PPA2: variants seen among roughly 807,000 people sequenced by gnomAD.
PPA2 encodes the protein inorganic pyrophosphatase 2, mitochondrial.
PPA2 carries 48 observed loss-of-function variants against 49.5 expected under a neutral mutation model. The observed-to-expected ratio is 0.97, with a 90% CI of 0.77 to 1.23. The LOEUF (loss-of-function observed/expected upper bound fraction) is 1.23, where lower values mean the gene tolerates loss of function less well. PPA2 is among the 50% of genes most tolerant of loss of function. The probability of loss-of-function intolerance (pLI) is 0.00; values close to 1 mark genes in which losing one functional copy is unlikely to be tolerated. For synonymous variants in PPA2, 131 were observed against 139.9 expected (o/e 0.94, Z 0.45); for missense variants, 429 against 410.1 (o/e 1.05, Z -0.40).
At chr4:105,445,994 G>C (rs1219638375) in intron 5 of PPA2, among the ~76,000 whole-genome samples, 4 of 151,996 alleles carry the variant, frequency 2.6e-5, no homozygotes, top group Non-Finnish European at 4.4e-5. Context: ...ATCTGTTAAA[G>C]TTTAAAATAT....
chr4:105,443,928 G>A (rs918447473), intron 5 of PPA2, among the ~76,000 whole-genome samples: 2 of 151,968 alleles, frequency 1.3e-5, no homozygotes, highest in Admixed American at 1.3e-4. Flanking sequence ...CACTGAGATC[G>A]TCTCCCTGTC....
chr4:105,473,739 C>T, intron 1 of PPA2, 155 bp downstream of exon 1: 1 of 1,139,944 alleles, frequency 8.8e-7, no homozygotes, highest in Non-Finnish European at 1.3e-6. Context: ...TGCGCGCTCC[C>T]GCGGGAAGTA....
intron 2 of PPA2, among the ~76,000 whole-genome samples, chr4:105,454,196 C>T (rs1198060688): frequency 6.6e-6 from 1 of 152,184 alleles, no homozygotes; most frequent in African/African-American, 2.4e-5. Flanking sequence ...GCTCAACCAG[C>T]ATATGTAACG....
intron 1 of PPA2, among the ~76,000 whole-genome samples, chr4:105,467,933 C>G (rs917391069): frequency 2.6e-5 from 4 of 152,116 alleles, no homozygotes; most frequent in Non-Finnish European, 5.9e-5. Flanking sequence ...TGTGTAAATT[C>G]TGAGTTCAAG....
At chr4:105,411,287 A>C (rs1722744611) in intron 7 of PPA2, among the ~76,000 whole-genome samples, 3 of 152,186 alleles carry the variant, frequency 2.0e-5, no homozygotes, top group Admixed American at 2.0e-4. Context: ...AAGACCTTAA[A>C]CCAACACGGA....
At chr4:105,419,891 G>T (rs980646003) in intron 7 of PPA2, among the ~76,000 whole-genome samples, 2 of 151,196 alleles carry the variant, frequency 1.3e-5, no homozygotes, top group Non-Finnish European at 2.9e-5. Flanking sequence ...GAACTAAAAC[G>T]AGCTTCATTT....
chr4:105,463,649 T>C (rs1436082633), intron 1 of PPA2, among the ~76,000 whole-genome samples: 1 of 152,190 alleles, frequency 6.6e-6, no homozygotes, highest in Non-Finnish European at 1.5e-5. Flanking sequence ...GTGGTTTCGC[T>C]GGGCTCAGGG....
rs2110376188 is a variant in PPA2 at position 105,386,656 on chromosome 4, G to A, written c.870-20C>T. On this transcript the variant is annotated intron_variant, in intron 9 of 11. Transcript: ENST00000341695. ...TTTGTGCTGGAGAGGAAAAGAGAAT[G>A]TTATTATTAAACAGGATAAAAAGAA... 6.2e-7 allele frequency: 1 copy of A among 1,602,758 alleles called. No homozygotes were observed. The highest frequency in any genetic ancestry group is 8.5e-7 in the Non-Finnish European group (1 of 1,171,170).
chr4:105,398,327 C>CA lies in PPA2; in HGVS notation c.783+709dup, dbSNP rs571893265. On this transcript the variant is annotated intron_variant, in intron 8 of 11. Coordinates refer to ENST00000341695, the MANE Select transcript of PPA2 (RefSeq NM_176869.3). ...TTGAAGGATTCTTTTAATGTGCTTT[C>CA]AAAAAAACACTGAGTCCAGCAATCA... is the stretch of plus-strand genomic sequence containing the variant. 410 of 125,146 alleles carry CA rather than the reference C, an allele frequency of 3.3e-3. 1 individual carries two copies. The highest frequency in any genetic ancestry group is 9.7e-3 in the African/African-American group (392 of 40,500). The allele number at this position is 125,146 out of a possible 1,614,324, so 7.8% of individuals were successfully genotyped here.
chr4:105,467,412 A>C (rs1261666469), intron 1 of PPA2, among the ~76,000 whole-genome samples: 3 of 152,248 alleles, frequency 2.0e-5, no homozygotes, highest in Non-Finnish European at 4.4e-5. Flanking sequence ...ACTGATCAAA[A>C]GGAAAAGTGG....
rs181363081 is a variant in PPA2 at position 105,383,453 on chromosome 4, G to A, written c.939+3114C>T. Among the ~76,000 whole-genome samples, 387 of 152,006 alleles carry A rather than the reference G, an allele frequency of 2.5e-3. 2 individuals carry two copies. The highest frequency in any genetic ancestry group is 6.2e-3 in the Admixed American group (95 of 15,250). ...TGTTGGATGACTAACAATTTGTTTC[G>A]TCTCAATGTTACACTTAATTGTGTT... On this transcript the variant is annotated intron_variant, in intron 10 of 11. Transcript: ENST00000341695.
At chr4:105,460,766 T>C (rs1194881221) in intron 1 of PPA2, among the ~76,000 whole-genome samples, 1 of 151,656 alleles carries the variant, frequency 6.6e-6, no homozygotes, top group African/African-American at 2.4e-5. Flanking sequence ...AGTAAATAAA[T>C]CTAGGACACT....
chr4:105,461,037 C>A (rs1327051782), intron 1 of PPA2, among the ~76,000 whole-genome samples: 1 of 151,962 alleles, frequency 6.6e-6, no homozygotes, highest in African/African-American at 2.4e-5. Context: ...TTCTAGAAAA[C>A]AAATATGGCC....
At chr4:105,378,190 A>T (rs1484991494) in intron 10 of PPA2, among the ~76,000 whole-genome samples, 1 of 152,164 alleles carries the variant, frequency 6.6e-6, no homozygotes, top group Non-Finnish European at 1.5e-5. Flanking sequence ...TAGTTCCTCC[A>T]CGTCCTTGTT....
intron 10 of PPA2, among the ~76,000 whole-genome samples, chr4:105,381,190 G>A (rs1422616433): frequency 6.6e-6 from 1 of 151,980 alleles, no homozygotes; most frequent in Non-Finnish European, 1.5e-5. Context: ...CCTCTTTTGT[G>A]AGCCGTCTAT....
At chr4:105,452,336 A>G (rs574531556) in intron 3 of PPA2, among the ~76,000 whole-genome samples, 6 of 152,348 alleles carry the variant, frequency 3.9e-5, no homozygotes, top group Non-Finnish European at 8.8e-5. Flanking sequence ...AGGTTAATAC[A>G]CTAAGTCCCC....
intron 7 of PPA2, among the ~76,000 whole-genome samples, chr4:105,417,704 C>A (rs144730756): frequency 3.9e-5 from 6 of 152,174 alleles, no homozygotes; most frequent in Admixed American, 3.3e-4. Context: ...TACATACCTA[C>A]ACCCATTAAT....
At chr4:105,451,072 C>T (rs1722659343) in intron 3 of PPA2, among the ~76,000 whole-genome samples, 2 of 152,146 alleles carry the variant, frequency 1.3e-5, no homozygotes, top group Admixed American at 1.3e-4. Context: ...ACCTCACCAG[C>T]TTCAACCAAT....
At chr4:105,435,511 C>T (rs1484738121) in intron 6 of PPA2, among the ~76,000 whole-genome samples, 2 of 152,102 alleles carry the variant, frequency 1.3e-5, no homozygotes, top group East Asian at 1.9e-4. Context: ...AAAACTACTA[C>T]TAAACCTAAG....
Sources: allele counts gnomAD v4.1 joint callset (sites outside exome capture counted in the v4.1 genomes callset), GRCh38; gene constraint gnomAD v4.1.1; transcripts MANE v1.5; gene names NCBI Gene and HGNC (gene_info 2026-07-23, HGNC 2026-07-21).